The following PDE4D variants were observed in gnomAD, a reference collection of about 807,000 sequenced individuals.
PDE4D encodes the protein 3',5'-cyclic-AMP phosphodiesterase 4D.
PDE4D carries 24 observed loss-of-function variants against 87.4 expected under a neutral mutation model. The ratio of observed to expected loss-of-function variants is 0.27; its 90% CI spans 0.20 to 0.39. The LOEUF is 0.39. Ranked by LOEUF, PDE4D falls within the 10% of genes least tolerant of loss-of-function variation. The pLI, the probability that PDE4D is intolerant of heterozygous loss-of-function variation, is 1.00. For synonymous variants in PDE4D, 384 were observed against 383.2 expected, an observed-to-expected ratio of 1.00 and a Z score of -0.02; for missense variants, 714 against 1,041.0, an observed-to-expected ratio of 0.69 and a Z score of 4.32.
intron 2 of PDE4D, among the ~76,000 whole-genome samples, chr5:60,080,129 T>C (rs13153508): frequency 0.14 from 21,363 of 152,160 alleles, 1,556 homozygotes; most frequent in Middle Eastern, 0.22. Context: ...TTTTACTCTC[T>C]TTGTAGTGAT....
intron 3 of PDE4D, among the ~76,000 whole-genome samples, chr5:59,974,231 T>C (rs1761076500): frequency 6.6e-6 from 1 of 152,150 alleles, no homozygotes; most frequent in Admixed American, 6.5e-5. Context: ...TATTTAAGAA[T>C]ATATAAGAAA....
Position 60,506,855 on chromosome 5 carries a change from T to C in PDE4D, n.70+15196A>G, listed in dbSNP as rs1319810110. Among the ~76,000 whole-genome samples, 4 of 131,524 alleles carry C rather than the reference T, an allele frequency of 3.0e-5. No homozygotes were observed. In the East Asian group the frequency reaches 9.1e-4, roughly 30 times the overall value. 86.3% of individuals were successfully genotyped at this position (131,524 alleles called of 152,430 possible). The stretch of plus-strand genomic sequence containing the variant: ...ATCATAGTTCAACTGGGACAAAATA[T>C]GGTTGCAATATTTCTTCTGATTATA... On this transcript the variant is annotated intron_variant and non_coding_transcript_variant, in intron 1 of 2. Coordinates refer to the PDE4D transcript ENST00000506510.
At chr5:60,106,535 C>G (rs992538651) in intron 2 of PDE4D, among the ~76,000 whole-genome samples, 3 of 152,154 alleles carry the variant, frequency 2.0e-5, no homozygotes, top group African/African-American at 7.2e-5. Flanking sequence ...AACTCTCCAC[C>G]CCAAATCAAC....
At chr5:59,215,015 C>T (rs988191323) in intron 2 of PDE4D, among the ~76,000 whole-genome samples, 4 of 151,992 alleles carry the variant, frequency 2.6e-5, no homozygotes, top group African/African-American at 4.8e-5. Flanking sequence ...AGATGAAGAT[C>T]GATTCTATAC....
chr5:59,973,777 A>G (rs1342760072), intron 3 of PDE4D, among the ~76,000 whole-genome samples: 1 of 152,154 alleles, frequency 6.6e-6, no homozygotes, highest in African/African-American at 2.4e-5. Flanking sequence ...CTGTGTACAT[A>G]TGATATACTC....
chr5:59,500,878 C>G (rs929680765), intron 1 of PDE4D, among the ~76,000 whole-genome samples: 1 of 151,806 alleles, frequency 6.6e-6, no homozygotes, highest in Non-Finnish European at 1.5e-5. Context: ...TTTTTTTCTC[C>G]CCTTCTGATC....
rs530376231 is a variant in PDE4D at position 60,166,008 on chromosome 5, G to T, written c.42+19549C>A. The stretch of plus-strand genomic sequence containing the variant: ...GTGATTTTCTCTAGTAGTGTATTCT[G>T]ATTCCTTGCATTTTGTGTTGTGTGT... On this transcript the variant is annotated intron_variant, in intron 2 of 16. Transcript: ENST00000502484. Among the ~76,000 whole-genome samples, 223 of 152,106 alleles carry T rather than the reference G, an allele frequency of 1.5e-3. 1 individual carries two copies. Among genetic ancestry groups the T allele is most frequent in the African/African-American group, 5.0e-3 (209 of 41,520 alleles).
intron 1 of PDE4D, among the ~76,000 whole-genome samples, chr5:59,864,348 C>T (rs1191294580): frequency 2.0e-5 from 3 of 152,110 alleles, no homozygotes; most frequent in African/African-American, 7.2e-5. Flanking sequence ...AATGTGTTGG[C>T]TATTATTTCT....
chr5:59,771,473 GAAAGAAAGAA>G lies in PDE4D; in HGVS notation c.455+121685_455+121694del, dbSNP rs765173396. Among the ~76,000 whole-genome samples the G allele has an allele frequency of 3.7e-3, 349 of 94,630 alleles. 6 individuals carry two copies. The highest frequency in any genetic ancestry group is 5.3e-3 in the African/African-American group (129 of 24,350). The allele number at this position is 94,630 out of a possible 152,430, so 62.1% of individuals were successfully genotyped here. On this transcript the variant is annotated intron_variant, in intron 1 of 14. Transcript: ENST00000340635. ...AGAAAGAAAGAAAGAAAGAAAGAAA[GAAAGAAAGAA>G]AGAGAGAGAGAGAGAGAAGAAAGAA...
intron 1 of PDE4D, among the ~76,000 whole-genome samples, chr5:59,489,336 A>G (rs1805768445): frequency 6.6e-6 from 1 of 151,910 alleles, no homozygotes; most frequent in Non-Finnish European, 1.5e-5. Flanking sequence ...TCTCTTCCTG[A>G]GGCTTCTACT....
chr5:59,205,698 A>ACACACACACC (rs748608669), intron 2 of PDE4D, among the ~76,000 whole-genome samples: 1 of 145,452 alleles, frequency 6.9e-6, no homozygotes, highest in Non-Finnish European at 1.5e-5. Context: ...ACACACACAC[A>ACACACACACC]CCAATCCACA....
intron 3 of PDE4D, among the ~76,000 whole-genome samples, chr5:59,186,359 G>T (rs1204478772): frequency 2.0e-5 from 3 of 152,140 alleles, no homozygotes; most frequent in Non-Finnish European, 4.4e-5. Context: ...TGACAGGTTT[G>T]GTGCCAAGAA....
At chr5:59,249,022 G>T (rs2153528100) in intron 1 of PDE4D, among the ~76,000 whole-genome samples, 1 of 151,952 alleles carries the variant, frequency 6.6e-6, no homozygotes, top group East Asian at 1.9e-4. Flanking sequence ...AAAACACCAT[G>T]AACAAAAGTA....
intron 1 of PDE4D, among the ~76,000 whole-genome samples, chr5:59,814,221 G>A (rs1411315079): frequency 1.3e-5 from 2 of 152,016 alleles, no homozygotes; most frequent in African/African-American, 4.8e-5. Context: ...AGCTTTATTG[G>A]GACACAACCA....
chr5:59,625,155 A>G (rs1364329941), intron 1 of PDE4D, among the ~76,000 whole-genome samples: 1 of 152,204 alleles, frequency 6.6e-6, no homozygotes, highest in Admixed American at 6.5e-5. Flanking sequence ...ATAAAAGCAG[A>G]GTGCTTTCTT....
chr5:59,043,838 G>A (rs2153398335), intron 5 of PDE4D, among the ~76,000 whole-genome samples: 1 of 152,184 alleles, frequency 6.6e-6, no homozygotes, highest in South Asian at 2.1e-4. Context: ...AGTTTGCTGA[G>A]AATGATGGTT....
At chr5:59,052,248 G>A (rs910702847) in intron 5 of PDE4D, among the ~76,000 whole-genome samples, 3 of 152,200 alleles carry the variant, frequency 2.0e-5, no homozygotes, top group Non-Finnish European at 4.4e-5. Flanking sequence ...GGTGAACTTG[G>A]ATGTAGGTCT....
At chr5:59,262,537 T>C (rs1762193899) in intron 1 of PDE4D, among the ~76,000 whole-genome samples, 1 of 151,806 alleles carries the variant, frequency 6.6e-6, no homozygotes, top group African/African-American at 2.4e-5. Flanking sequence ...AAGTTCACAA[T>C]ACAAGAAGGT....
At chr5:59,956,560 T>A (rs774503561) in intron 3 of PDE4D, among the ~76,000 whole-genome samples, 2 of 152,074 alleles carry the variant, frequency 1.3e-5, no homozygotes, top group African/African-American at 2.4e-5. Context: ...CGCAACCAAA[T>A]GTTTCTATTT....
Sources: allele counts gnomAD v4.1 joint callset (sites outside exome capture counted in the v4.1 genomes callset), GRCh38; gene constraint gnomAD v4.1.1; transcripts MANE v1.5; gene names NCBI Gene and HGNC (gene_info 2026-07-23, HGNC 2026-07-21).